CHST9: variants seen among roughly 807,000 people sequenced by gnomAD.
The protein encoded by CHST9 is GalNAc-4-sulfotransferase 2.
Under a neutral mutation model 44.4 loss-of-function variants are expected in CHST9, and 41 were observed. That is an observed-to-expected ratio of 0.92 (90% CI 0.72 to 1.20). The LOEUF is 1.20. Among genes scored for constraint, CHST9 ranks in the 50% most tolerant of loss-of-function variants. The pLI is 0.00. For missense variants in CHST9, 504 were observed against 516.5 expected, an observed-to-expected ratio of 0.98 and a Z score of 0.23; for synonymous variants, 171 against 178.4, an observed-to-expected ratio of 0.96 and a Z score of 0.33.
chr18:27,126,756 G>A (rs563140718), intron 2 of CHST9, among the ~76,000 whole-genome samples: 33 of 152,174 alleles, frequency 2.2e-4, no homozygotes, highest in African/African-American at 7.7e-4. Flanking sequence ...GCTTCAAGCA[G>A]GACAATGAGG....
At chr18:27,071,556 T>C (rs1292619746) in intron 2 of CHST9, among the ~76,000 whole-genome samples, 1 of 152,226 alleles carries the variant, frequency 6.6e-6, no homozygotes. Flanking sequence ...AGAAAATATT[T>C]CACTCAAAGA....
At chr18:27,077,183 T>C (rs2057913045) in intron 2 of CHST9, among the ~76,000 whole-genome samples, 1 of 152,184 alleles carries the variant, frequency 6.6e-6, no homozygotes, top group Non-Finnish European at 1.5e-5. Flanking sequence ...TTTTCTTTCT[T>C]TTTCTTTACT....
chr18:27,117,802 G>A (rs1370436820), intron 2 of CHST9, among the ~76,000 whole-genome samples: 1 of 152,146 alleles, frequency 6.6e-6, no homozygotes, highest in Non-Finnish European at 1.5e-5. Flanking sequence ...CTTACTAAAG[G>A]ACATCTTATT....
chr18:27,117,608 C>T (rs1200072045), intron 2 of CHST9, among the ~76,000 whole-genome samples: 4 of 152,166 alleles, frequency 2.6e-5, no homozygotes, highest in African/African-American at 7.2e-5. Context: ...ATGGTCTTGC[C>T]TTTTCCAGAA....
At chr18:27,119,304 C>T (rs573576416) in intron 2 of CHST9, among the ~76,000 whole-genome samples, 1 of 152,170 alleles carries the variant, frequency 6.6e-6, no homozygotes, top group Non-Finnish European at 1.5e-5. Context: ...ATCACTCAGC[C>T]ACATTATAGA....
chr18:27,080,927 C>T (rs1473565248), intron 2 of CHST9, among the ~76,000 whole-genome samples: 2 of 130,422 alleles, frequency 1.5e-5, no homozygotes, highest in Non-Finnish European at 3.2e-5. Flanking sequence ...AGCTCACTGA[C>T]ATGACCAAGA....
chr18:27,092,281 GT>G (rs912099117), intron 2 of CHST9, among the ~76,000 whole-genome samples: 121 of 152,250 alleles, frequency 7.9e-4, no homozygotes, highest in African/African-American at 2.7e-3. Flanking sequence ...TGTGGGATTG[GT>G]GGTGATATCC....
At chr18:27,040,249 T>C (rs966405975) in intron 3 of CHST9, among the ~76,000 whole-genome samples, 2 of 152,144 alleles carry the variant, frequency 1.3e-5, no homozygotes, top group Non-Finnish European at 2.9e-5. Flanking sequence ...AAGAAAGCAA[T>C]GTTGGAAAGA....
intron 5 of CHST9, among the ~76,000 whole-genome samples, chr18:26,920,593 G>A (rs1368967793): frequency 6.6e-6 from 1 of 152,080 alleles, no homozygotes; most frequent in Non-Finnish European, 1.5e-5. Flanking sequence ...ACTGCCTGGC[G>A]CATAGAAGAT....
At chr18:26,986,066 C>G (rs2056751503) in intron 4 of CHST9, among the ~76,000 whole-genome samples, 1 of 151,988 alleles carries the variant, frequency 6.6e-6, no homozygotes, top group South Asian at 2.1e-4. Context: ...TTAACAAAGT[C>G]TGGTATTCAA....
At chr18:26,937,053 GA>G (rs2056006953) in intron 5 of CHST9, among the ~76,000 whole-genome samples, 1 of 152,102 alleles carries the variant, frequency 6.6e-6, no homozygotes, top group Admixed American at 6.5e-5. Context: ...ATTTTATAGT[GA>G]GTGAAAATGA....
chr18:27,073,444 G>A (rs1301093667), intron 2 of CHST9, among the ~76,000 whole-genome samples: 2 of 151,894 alleles, frequency 1.3e-5, no homozygotes, highest in African/African-American at 4.8e-5. Context: ...GGGTCAAAGT[G>A]GGGAAGTGAA....
intron 1 of CHST9, among the ~76,000 whole-genome samples, chr18:27,174,910 C>T (rs1445129812): frequency 6.6e-6 from 1 of 151,992 alleles, no homozygotes; most frequent in Non-Finnish European, 1.5e-5. Flanking sequence ...CAATTCCTTG[C>T]TTTCTGGGAC....
intron 1 of CHST9, among the ~76,000 whole-genome samples, chr18:27,182,437 A>G (rs2058919803): frequency 6.6e-6 from 1 of 152,232 alleles, no homozygotes; most frequent in African/African-American, 2.4e-5. Context: ...CTTCAAGTAC[A>G]CATCAATTAT....
At chr18:27,035,508 T>C (rs1033234776) in intron 3 of CHST9, among the ~76,000 whole-genome samples, 2 of 152,122 alleles carry the variant, frequency 1.3e-5, no homozygotes, top group African/African-American at 4.8e-5. Flanking sequence ...ATTCCATTGT[T>C]TATGTGTGCA....
At chr18:26,992,410 G>C (rs2056829308) in intron 4 of CHST9, among the ~76,000 whole-genome samples, 1 of 152,110 alleles carries the variant, frequency 6.6e-6, no homozygotes, top group Non-Finnish European at 1.5e-5. Flanking sequence ...CCTGAGCCTA[G>C]CGCAGTTCCT....
rs143594711 is a variant in CHST9 at position 27,114,836 on chromosome 18, T to G, written c.121+27853A>C. Among the ~76,000 whole-genome samples the G allele has an allele frequency of 7.5e-3, 1,143 of 152,330 alleles. 16 individuals carry two copies. Among genetic ancestry groups the G allele is most frequent in the African/African-American group, 0.026 (1,067 of 41,564 alleles). On this transcript the variant is annotated intron_variant, in intron 2 of 5. Transcript: ENST00000618847. ...ATAGAATACCACATTCCACATTTTA[T>G]GCAGAATACCACATTTGGATACGTG...
chr18:26,975,725 G>GTATATATATATATA (rs59671204), intron 4 of CHST9, among the ~76,000 whole-genome samples: 2 of 101,840 alleles, frequency 2.0e-5, no homozygotes, highest in Non-Finnish European at 3.8e-5. Flanking sequence ...GTGTGTGTGT[G>GTATATATATATATA]TATATATATA....
At chr18:27,046,100 C>G (rs2143550585) in intron 3 of CHST9, among the ~76,000 whole-genome samples, 1 of 151,116 alleles carries the variant, frequency 6.6e-6, no homozygotes, top group Admixed American at 6.6e-5. Flanking sequence ...ATGATTTAAC[C>G]AAACTCTTTA....
Sources: allele counts gnomAD v4.1 joint callset (sites outside exome capture counted in the v4.1 genomes callset), GRCh38; gene constraint gnomAD v4.1.1; transcripts MANE v1.5; gene names NCBI Gene and HGNC (gene_info 2026-07-23, HGNC 2026-07-21).